UNC5D: variants seen among roughly 807,000 people sequenced by gnomAD.
UNC5D encodes the protein unc-5 netrin receptor D, also known as netrin receptor UNC5D.
A neutral mutation model predicts 105.4 loss-of-function variants in UNC5D; 39 were observed. The ratio of observed to expected loss-of-function variants is 0.37; its 90% confidence interval spans 0.29 to 0.48. The LOEUF (loss-of-function observed/expected upper bound fraction) is 0.48. Ranked by LOEUF, UNC5D falls within the 20% of genes least tolerant of loss-of-function variation. The pLI is 0.98. For missense variants in UNC5D, 991 were observed against 1,202.4 expected (o/e 0.82, Z 2.60); for synonymous variants, 452 against 450.4 (o/e 1.00, Z -0.04).
Position 35,313,980 on chromosome 8 carries a change from A to G in UNC5D, c.103+78093A>G, listed in dbSNP as rs1032229418. The stretch of plus-strand genomic sequence containing the variant: ...TTTTTATGCTTCATTGAGCGCAAGA[A>G]AGGTGTCAGGAGAATGGAAATGTTG... On this transcript the variant is annotated intron_variant, in intron 1 of 16. Coordinates refer to ENST00000404895, the MANE Select transcript of UNC5D (RefSeq NM_080872.4). 2.0e-5 allele frequency among the ~76,000 whole-genome samples: 3 copies of G among 152,166 alleles called. No individual in the cohort carries two copies. In the South Asian group the frequency reaches 6.2e-4, roughly 32 times the overall value.
chr8:35,376,999 T>C (rs1160612912), intron 1 of UNC5D, among the ~76,000 whole-genome samples: 3 of 152,352 alleles, frequency 2.0e-5, no homozygotes, highest in Non-Finnish European at 2.9e-5. Flanking sequence ...TTGTTATTGA[T>C]TGACTGCTTA....
intron 1 of UNC5D, among the ~76,000 whole-genome samples, chr8:35,481,251 G>A (rs1374145732): frequency 6.6e-6 from 1 of 152,184 alleles, no homozygotes; most frequent in African/African-American, 2.4e-5. Flanking sequence ...TTAGAGAGCA[G>A]AAGGCAGAGT....
chr8:35,709,757 A>G (rs1827822673), intron 8 of UNC5D, among the ~76,000 whole-genome samples: 1 of 152,236 alleles, frequency 6.6e-6, no homozygotes, highest in South Asian at 2.1e-4. Flanking sequence ...AAACAAGGAA[A>G]CAAACATTCT....
chr8:35,769,301 C>T (rs1400125615), intron 15 of UNC5D, among the ~76,000 whole-genome samples: 3 of 152,160 alleles, frequency 2.0e-5, no homozygotes, highest in African/African-American at 7.2e-5. Context: ...AGTCTGACTA[C>T]TCCACTACAC....
chr8:35,574,653 TA>T (rs1817970593), intron 3 of UNC5D, among the ~76,000 whole-genome samples: 1 of 152,164 alleles, frequency 6.6e-6, no homozygotes, highest in Non-Finnish European at 1.5e-5. Context: ...AATTTCTTAC[TA>T]AAAACTGTTA....
chr8:35,452,331 C>G (rs909117262), intron 1 of UNC5D, among the ~76,000 whole-genome samples: 19 of 152,090 alleles, frequency 1.2e-4, no homozygotes, highest in African/African-American at 4.6e-4. Context: ...GTGGCACAAT[C>G]TCAGCTCACT....
At chr8:35,502,215 C>T (rs974832999) in intron 1 of UNC5D, among the ~76,000 whole-genome samples, 5 of 152,238 alleles carry the variant, frequency 3.3e-5, no homozygotes, top group Non-Finnish European at 5.9e-5. Context: ...CAGAGCCTAC[C>T]GAAAGCACTC....
At chr8:35,627,393 C>A (rs1586284231) in intron 4 of UNC5D, among the ~76,000 whole-genome samples, 1 of 152,172 alleles carries the variant, frequency 6.6e-6, no homozygotes, top group South Asian at 2.1e-4. Context: ...AGATTCTGAG[C>A]ACACTCAGGG....
intron 1 of UNC5D, among the ~76,000 whole-genome samples, chr8:35,282,450 A>T (rs1426003684): frequency 1.3e-5 from 2 of 152,232 alleles, no homozygotes; most frequent in Non-Finnish European, 2.9e-5. Flanking sequence ...TAATTGGATT[A>T]TCAGAAATTA....
intron 4 of UNC5D, among the ~76,000 whole-genome samples, chr8:35,604,118 G>A (rs1358689976): frequency 6.6e-6 from 1 of 152,180 alleles, no homozygotes; most frequent in African/African-American, 2.4e-5. Flanking sequence ...CTTGTTAGTT[G>A]ATGCAGTTTC....
At chr8:35,446,285 G>T (rs114679904) in intron 1 of UNC5D, among the ~76,000 whole-genome samples, 2,566 of 151,812 alleles carry the variant, frequency 0.017, 82 homozygotes, top group African/African-American at 0.059. Flanking sequence ...TTTTAATGTT[G>T]TTGAGATTTT....
chr8:35,441,906 C>T (rs1282787462), intron 1 of UNC5D, among the ~76,000 whole-genome samples: 4 of 151,682 alleles, frequency 2.6e-5, no homozygotes, highest in East Asian at 1.9e-4. Context: ...TTTGATGAAG[C>T]GCCCTGTCTT....
chr8:35,510,310 C>CAAA (rs11317897), intron 1 of UNC5D, among the ~76,000 whole-genome samples: 24 of 71,812 alleles, frequency 3.3e-4, no homozygotes, highest in Non-Finnish European at 5.3e-4. Context: ...TTTTTATATC[C>CAAA]AAAAAAAAAA....
intron 1 of UNC5D, among the ~76,000 whole-genome samples, chr8:35,307,740 G>A (rs1292734443): frequency 6.6e-6 from 1 of 152,150 alleles, no homozygotes; most frequent in Non-Finnish European, 1.5e-5. Context: ...TTGGGTAGGT[G>A]AGGGGAAAAT....
intron 1 of UNC5D, among the ~76,000 whole-genome samples, chr8:35,496,822 T>C (rs1811628823): frequency 1.3e-5 from 2 of 152,320 alleles, no homozygotes; most frequent in African/African-American, 4.8e-5. Context: ...AAGCAGCTAT[T>C]CTACAGATTT....
At chr8:35,671,576 C>CCTGT (rs958189719) in intron 4 of UNC5D, among the ~76,000 whole-genome samples, 3 of 152,158 alleles carry the variant, frequency 2.0e-5, no homozygotes, top group African/African-American at 7.2e-5. Flanking sequence ...GATGTGAATT[C>CCTGT]CTGTCTAAAA....
intron 4 of UNC5D, among the ~76,000 whole-genome samples, chr8:35,632,900 A>C (rs376457752): frequency 9.2e-5 from 14 of 152,186 alleles, no homozygotes; most frequent in African/African-American, 3.4e-4. Flanking sequence ...CTGGTCCAAA[A>C]CTACTCTTCA....
intron 4 of UNC5D, among the ~76,000 whole-genome samples, chr8:35,600,154 A>G (rs1819767221): frequency 6.6e-6 from 1 of 152,186 alleles, no homozygotes; most frequent in Non-Finnish European, 1.5e-5. Context: ...ATGGCTGCAT[A>G]GTATTCCATG....
chr8:35,606,456 T>C (rs1820300018), intron 4 of UNC5D, among the ~76,000 whole-genome samples: 1 of 152,210 alleles, frequency 6.6e-6, no homozygotes, highest in African/African-American at 2.4e-5. Context: ...CAAGAGTACA[T>C]GTGCAGGTTT....
Sources: gnomAD v4.1 joint callset for allele counts (sites outside exome capture counted in the v4.1 genomes callset) on GRCh38, gnomAD v4.1.1 for gene constraint, MANE v1.5 for transcripts, NCBI Gene and HGNC (gene_info 2026-07-23, HGNC 2026-07-21) for gene names.